The following SPATS2L variants were observed in gnomAD, a reference collection of about 807,000 sequenced individuals.
SPATS2L encodes SPATS2-like protein.
SPATS2L carries 30 observed loss-of-function variants against 59.6 expected under a neutral mutation model. The observed-to-expected ratio is 0.50, with a 90% CI of 0.38 to 0.68. SPATS2L has a LOEUF of 0.68. Among genes scored for constraint, SPATS2L ranks in the 30% least tolerant of loss-of-function variants. The pLI, the probability that SPATS2L is intolerant of heterozygous loss-of-function variation, is 0.00. For missense variants in SPATS2L, 615 were observed against 700.0 expected (o/e 0.88, Z 1.37); for synonymous variants, 252 against 263.5 (o/e 0.96, Z 0.42).
At chr2:200,366,429 T>C (rs867996689) in intron 2 of SPATS2L, among the ~76,000 whole-genome samples, 18 of 152,224 alleles carry the variant, frequency 1.2e-4, no homozygotes, top group African/African-American at 4.1e-4. Flanking sequence ...TTTCTTATTC[T>C]TGTATCCATC....
At position 200,367,853 on chromosome 2, in the gene SPATS2L, A is replaced by G. The variant is rs114471834; in HGVS notation, c.-22-21370A>G. Among the ~76,000 whole-genome samples the G allele has an allele frequency of 6.2e-3, 944 of 152,320 alleles. 10 individuals carry two copies. The highest frequency in any genetic ancestry group is 0.021 in the African/African-American group (874 of 41,564). Reference sequence around the variant, plus strand: ...GTTACTTATTTTCAGATTCAGATAAATGGTTCCTAACTGGTAAGTGATAAG... The same window carrying G: ...GTTACTTATTTTCAGATTCAGATAAGTGGTTCCTAACTGGTAAGTGATAAG... On this transcript the variant is annotated intron_variant, in intron 2 of 12. Transcript: ENST00000409140.
chr2:200,448,247 G>T (rs765588868), intron 8 of SPATS2L, among the ~76,000 whole-genome samples: 5 of 152,272 alleles, frequency 3.3e-5, no homozygotes, highest in Non-Finnish European at 4.4e-5. Flanking sequence ...TTAGAGACCA[G>T]CCTGGCCAAC....
chr2:200,477,623 T>C lies in SPATS2L; in HGVS notation c.1282-13T>C. The C allele has an allele frequency of 6.6e-7, 1 of 1,521,384 alleles. No individual in the cohort carries two copies. The highest frequency in any genetic ancestry group is 8.8e-7 in the Non-Finnish European group (1 of 1,132,592). 94.2% of individuals were successfully genotyped at this position (1,521,384 alleles called of 1,614,324 possible). A position where few individuals can be genotyped will look rare whatever the true frequency, so the allele number is the denominator to read the frequency against. On this transcript the variant is annotated splice_polypyrimidine_tract_variant and intron_variant, in intron 12 of 12. Coordinates refer to ENST00000409140, the MANE Select transcript of SPATS2L (RefSeq NM_001100423.2). ...GCTGGCATCTGATACTTATCTCTTT[T>C]CTTTTTTGGTAGAATGGATCTTCTA...
At chr2:200,410,275 T>A (rs1183881293) in intron 3 of SPATS2L, among the ~76,000 whole-genome samples, 1 of 152,140 alleles carries the variant, frequency 6.6e-6, no homozygotes, top group Non-Finnish European at 1.5e-5. Flanking sequence ...TCCAGTGCAC[T>A]GGTAACAATG....
At chr2:200,473,081 AGG>A in intron 12 of SPATS2L, 29 bp downstream of exon 12, 9 of 1,421,122 alleles carry the variant, frequency 6.3e-6, no homozygotes, top group African/African-American at 3.1e-5. Flanking sequence ...AGGGTGCCAG[AGG>A]AAAAAAAAAA....
intron 3 of SPATS2L, chr2:200,390,633 A>G (rs2082142911): frequency 6.6e-6 from 1 of 152,582 alleles, no homozygotes; most frequent in Non-Finnish European, 1.5e-5. Context: ...GCAGGTGGTC[A>G]GTGTGGTCCA....
upstream of SPATS2L, chr2:200,306,648 G>T: frequency 1.0e-6 from 1 of 987,760 alleles, no homozygotes; most frequent in Non-Finnish European, 1.2e-6. Flanking sequence ...GGCGGGGGCA[G>T]CCTGCGAGGG....
At chr2:200,448,807 A>T (rs2085241596) in intron 8 of SPATS2L, among the ~76,000 whole-genome samples, 1 of 152,190 alleles carries the variant, frequency 6.6e-6, no homozygotes, top group South Asian at 2.1e-4. Context: ...ATGGGGATGA[A>T]CATTTACTTG....
chr2:200,450,653 G>A (rs1250857762), intron 8 of SPATS2L, among the ~76,000 whole-genome samples: 1 of 152,176 alleles, frequency 6.6e-6, no homozygotes, highest in African/African-American at 2.4e-5. Context: ...TGATTCTGTG[G>A]ATGTTAGGTG....
chr2:200,404,651 A>G (rs2082634992), intron 3 of SPATS2L, among the ~76,000 whole-genome samples: 1 of 152,224 alleles, frequency 6.6e-6, no homozygotes, highest in African/African-American at 2.4e-5. Flanking sequence ...ATTCATTTCC[A>G]GTTGCTGCTG....
At chr2:200,393,241 C>G (rs2082224814) in intron 3 of SPATS2L, 2 of 456,882 alleles carry the variant, frequency 4.4e-6, no homozygotes, top group Non-Finnish European at 8.8e-6. Flanking sequence ...CAATTGATCC[C>G]TGCAAAACAT....
At chr2:200,315,424 G>T (rs1230081756) in intron 1 of SPATS2L, among the ~76,000 whole-genome samples, 1 of 152,100 alleles carries the variant, frequency 6.6e-6, no homozygotes, top group Non-Finnish European at 1.5e-5. Context: ...AACAAGGGAA[G>T]GGAAAGTGGA....
chr2:200,323,027 T>C (rs913894173), intron 1 of SPATS2L, among the ~76,000 whole-genome samples: 1 of 152,228 alleles, frequency 6.6e-6, no homozygotes, highest in African/African-American at 2.4e-5. Context: ...GTATCACTTA[T>C]GGACCCAAGG....
chr2:200,341,587 G>C (rs1489416799), intron 2 of SPATS2L, among the ~76,000 whole-genome samples: 2 of 152,090 alleles, frequency 1.3e-5, no homozygotes, highest in Non-Finnish European at 2.9e-5. Context: ...TTTTTTTAAG[G>C]CTGTTTTGAA....
intron 6 of SPATS2L, among the ~76,000 whole-genome samples, chr2:200,425,121 TCCCCCCGCC>T (rs1442568437): frequency 1.4e-3 from 22 of 16,068 alleles, no homozygotes; most frequent in African/African-American, 5.1e-3. Context: ...GAATGTTAGT[TCCCCCCGCC>T]CCCCCCCCCC....
intron 2 of SPATS2L, among the ~76,000 whole-genome samples, chr2:200,355,174 T>C (rs2080872357): frequency 6.6e-6 from 1 of 152,154 alleles, no homozygotes; most frequent in Admixed American, 6.5e-5. Flanking sequence ...CCAGAGCCAC[T>C]GTGGCACTGC....
At position 200,480,657 on chromosome 2, in the gene SPATS2L, C is replaced by T. The variant is rs2087754915; in HGVS notation, c.*2626C>T. On this transcript the variant is annotated 3_prime_UTR_variant, in exon 13 of 13. Transcript: ENST00000409140. ...AAGTGTTAGAATTACAGGCATGAGC[C>T]ACCTCGCCTGGCTGGTTTTTGCCTT... 2 of 152,328 alleles carry T rather than the reference C, an allele frequency of 1.3e-5. No homozygotes were observed. Among genetic ancestry groups the T allele is most frequent in the Non-Finnish European group, 2.9e-5 (2 of 68,042 alleles). 9.4% of individuals were successfully genotyped at this position (152,328 alleles called of 1,614,324 possible).
intron 2 of SPATS2L, among the ~76,000 whole-genome samples, chr2:200,361,280 AAGAG>A (rs1042518386): frequency 1.3e-5 from 2 of 152,124 alleles, no homozygotes; most frequent in South Asian, 2.1e-4. Flanking sequence ...TCATGAGAGA[AAGAG>A]AGAGAAGAAA....
At position 200,467,414 on chromosome 2, in the gene SPATS2L, A is replaced by G. The variant is rs749118359; in HGVS notation, c.957+15A>G. Reference sequence around the variant, plus strand: ...CAGAAATTAAGGTCAGTTCTAAAATATCACAGCCTGAACCCTGAGCCAGAG... The same window carrying G: ...CAGAAATTAAGGTCAGTTCTAAAATGTCACAGCCTGAACCCTGAGCCAGAG... On this transcript the variant is annotated intron_variant, in intron 10 of 12. Transcript: ENST00000409140. 3.8e-6 allele frequency: 6 copies of G among 1,573,332 alleles called. No individual in the cohort carries two copies. Among genetic ancestry groups the G allele is most frequent in the Non-Finnish European group, 4.4e-6 (5 of 1,142,914 alleles).
Sources: gnomAD v4.1 joint callset for allele counts (sites outside exome capture counted in the v4.1 genomes callset) on GRCh38, gnomAD v4.1.1 for gene constraint, MANE v1.5 for transcripts, NCBI Gene and HGNC (gene_info 2026-07-23, HGNC 2026-07-21) for gene names.